ROBO1: variants seen among roughly 807,000 people sequenced by gnomAD.
ROBO1 encodes the protein roundabout homolog 1.
In ROBO1, 149 loss-of-function variants were observed where a neutral mutation model predicts 195.9. The observed-to-expected ratio is 0.76, with a 90% CI of 0.67 to 0.87. The LOEUF (loss-of-function observed/expected upper bound fraction) is 0.87, where lower values mean the gene tolerates loss of function less well. Ranked by LOEUF, ROBO1 falls within the 40% of genes least tolerant of loss-of-function variation. The pLI, the probability that ROBO1 is intolerant of heterozygous loss-of-function variation, is 0.00. For missense variants in ROBO1, 1,933 were observed against 2,068.3 expected (o/e 0.93, Z 1.27); for synonymous variants, 816 against 733.2 (o/e 1.11, Z -1.82).
intron 4 of ROBO1, among the ~76,000 whole-genome samples, chr3:78,762,788 CT>C (rs1420236455): frequency 6.6e-6 from 1 of 151,876 alleles, no homozygotes; most frequent in African/African-American, 2.4e-5. Flanking sequence ...TCAAACTATG[CT>C]GTTTAATCAT....
chr3:78,820,417 A>C (rs547452995), intron 4 of ROBO1, among the ~76,000 whole-genome samples: 32 of 152,340 alleles, frequency 2.1e-4, no homozygotes, highest in Non-Finnish European at 4.3e-4. Context: ...GACAGCTAGG[A>C]AATGTCAAGG....
At chr3:78,745,306 C>CAAAAAAAAAAAAA (rs11360584) in intron 5 of ROBO1, among the ~76,000 whole-genome samples, 1 of 71,140 alleles carries the variant, frequency 1.4e-5, no homozygotes, top group African/African-American at 3.8e-5. Context: ...GACTCCATTT[C>CAAAAAAAAAAAAA]AAAAAAAAAA....
chr3:79,340,573 C>T (rs2034869747), intron 2 of ROBO1, among the ~76,000 whole-genome samples: 2 of 152,128 alleles, frequency 1.3e-5, no homozygotes, highest in African/African-American at 4.8e-5. Context: ...TGGTTCTTCT[C>T]ATCTTAGCAG....
intron 15 of ROBO1, among the ~76,000 whole-genome samples, chr3:78,661,527 T>TA (rs1707404818): frequency 1.3e-5 from 2 of 152,194 alleles, no homozygotes; most frequent in African/African-American, 4.8e-5. Context: ...TATCTTTTGA[T>TA]AAAAATTTCG....
Position 78,642,964 on chromosome 3 carries a change from T to A in ROBO1, c.2883-3066A>T, listed in dbSNP as rs575561649. Among the ~76,000 whole-genome samples, 3 of 151,406 alleles carry A rather than the reference T, an allele frequency of 2.0e-5. No homozygotes were observed. In the South Asian group the frequency reaches 6.3e-4, roughly 32 times the overall value. On this transcript the variant is annotated intron_variant, in intron 21 of 30. Transcript: ENST00000464233. ...TTCATTTATTCAATGGCTCATTCAT[T>A]TTTTTTTTACTTATAGGTGACATCT...
At chr3:79,086,682 T>A (rs901613613) in intron 3 of ROBO1, among the ~76,000 whole-genome samples, 8 of 152,150 alleles carry the variant, frequency 5.3e-5, no homozygotes, top group Non-Finnish European at 1.5e-5. Context: ...AAAAACAGTA[T>A]GCAGACACCT....
At chr3:79,561,513 A>C (rs1942920384) in intron 2 of ROBO1, among the ~76,000 whole-genome samples, 1 of 152,184 alleles carries the variant, frequency 6.6e-6, no homozygotes, top group Admixed American at 6.6e-5. Flanking sequence ...GAGTAGATTT[A>C]AACGTGGGCC....
At position 78,971,741 on chromosome 3, in the gene ROBO1, A is replaced by AT. The variant is rs563155914; in HGVS notation, c.173-32815dup. Among the ~76,000 whole-genome samples the AT allele has an allele frequency of 5.1e-3, 779 of 151,366 alleles. 2 individuals are homozygous for AT. The highest frequency in any genetic ancestry group is 7.8e-3 in the Non-Finnish European group (528 of 67,776). ...TACTTTGTACTGACATCTTTTAAAT[A>AT]TTTTTTTTGTTGTTGTTGTTGTTGT... On this transcript the variant is annotated intron_variant, in intron 3 of 30. Coordinates refer to ENST00000464233, the MANE Select transcript of ROBO1 (RefSeq NM_002941.4).
intron 4 of ROBO1, among the ~76,000 whole-genome samples, chr3:78,773,895 T>C (rs2083440192): frequency 6.6e-6 from 1 of 152,232 alleles, no homozygotes; most frequent in African/African-American, 2.4e-5. Flanking sequence ...GTAGCTCTAC[T>C]AAGTGCCAAT....
intron 2 of ROBO1, chr3:79,512,862 T>A (rs1321089350): frequency 6.6e-6 from 1 of 152,180 alleles, no homozygotes; most frequent in Non-Finnish European, 1.5e-5. Flanking sequence ...TTTTCTTCCA[T>A]AATGCAGAAA....
At chr3:79,485,633 A>G (rs904877257) in intron 2 of ROBO1, among the ~76,000 whole-genome samples, 1 of 152,148 alleles carries the variant, frequency 6.6e-6, no homozygotes, top group Non-Finnish European at 1.5e-5. Flanking sequence ...CTTTAAAATT[A>G]TTAACTCATT....
intron 2 of ROBO1, among the ~76,000 whole-genome samples, chr3:79,548,015 C>T (rs552518449): frequency 2.4e-4 from 37 of 152,190 alleles, no homozygotes; most frequent in African/African-American, 8.4e-4. Context: ...GACATATGAG[C>T]AAGTTTCCCC....
chr3:78,651,939 C>T lies in ROBO1; in HGVS notation c.2615-10G>A, dbSNP rs376272469. ...GGGTTTCCATGGGCATCTGAAAAGT[C>T]ATCTTCCGATTAATTTGGGTTGAAG... On this transcript the variant is annotated splice_polypyrimidine_tract_variant and intron_variant, in intron 18 of 30. Coordinates refer to ENST00000464233, the MANE Select transcript of ROBO1 (RefSeq NM_002941.4). 3.4e-4 allele frequency: 542 copies of T among 1,609,234 alleles called. 2 individuals are homozygous for T. Among genetic ancestry groups the T allele is most frequent in the South Asian group, 2.4e-3 (213 of 90,540 alleles).
intron 5 of ROBO1, among the ~76,000 whole-genome samples, chr3:78,726,516 C>A (rs554996536): frequency 6.6e-6 from 1 of 152,258 alleles, no homozygotes; most frequent in African/African-American, 2.4e-5. Context: ...AACCCGTTTT[C>A]ATACTATTTT....
At chr3:79,737,194 C>T (rs1183794738) in intron 1 of ROBO1, among the ~76,000 whole-genome samples, 1 of 152,062 alleles carries the variant, frequency 6.6e-6, no homozygotes, top group Non-Finnish European at 1.5e-5. Flanking sequence ...ACTTAGGGTA[C>T]TTTGAAAGCA....
intron 29 of ROBO1, among the ~76,000 whole-genome samples, chr3:78,601,062 A>G (rs1400769460): frequency 1.3e-5 from 2 of 152,052 alleles, no homozygotes; most frequent in Admixed American, 6.6e-5. Flanking sequence ...ACTTCTACTG[A>G]TGCATCAGCC....
Position 78,661,188 on chromosome 3 carries a change from G to A in ROBO1, c.2162C>T (p.Ser721Leu), listed in dbSNP as rs1229760961. The change falls in exon 16 of 31, where the codon TCA becomes TTA. Residue 721 changes from serine to leucine, a missense_variant. Physicochemically the swap from Ser to Leu is moderately radical, Grantham distance 145. Coordinates refer to ENST00000464233, the MANE Select transcript of ROBO1 (RefSeq NM_002941.4). ...CCTCACTTCAAAAACTAACCAGTCTGATTCTCCGTGGTTGGCTCCAGATGG... is the reference window on the plus strand; with the variant it reads ...CCTCACTTCAAAAACTAACCAGTCTAATTCTCCGTGGTTGGCTCCAGATGG... The part of the protein sequence containing the change: ...YRPSGANHGE[S>L]DWLVFEVRTP... 1 of 1,613,640 alleles carries A rather than the reference G, an allele frequency of 6.2e-7. No individual in the cohort carries two copies.
At chr3:78,744,949 G>A (rs901404420) in intron 5 of ROBO1, among the ~76,000 whole-genome samples, 25 of 151,854 alleles carry the variant, frequency 1.6e-4, no homozygotes, top group African/African-American at 4.3e-4. Context: ...GTCTGTATAC[G>A]CACTCATAAA....
chr3:79,532,642 A>T (rs2107615857), intron 2 of ROBO1, among the ~76,000 whole-genome samples: 1 of 151,454 alleles, frequency 6.6e-6, no homozygotes, highest in African/African-American at 2.4e-5. Flanking sequence ...TAAAAAAATC[A>T]AATACAAATG....
Sources: allele counts gnomAD v4.1 joint callset (sites outside exome capture counted in the v4.1 genomes callset), GRCh38; gene constraint gnomAD v4.1.1; transcripts MANE v1.5; gene names NCBI Gene and HGNC (gene_info 2026-07-23, HGNC 2026-07-21).